The following MSRA variants were observed in gnomAD, a reference collection of about 807,000 sequenced individuals.
The protein encoded by MSRA is methionine sulfoxide reductase A, also known as mitochondrial peptide methionine sulfoxide reductase.
Under a neutral mutation model 31.3 loss-of-function variants are expected in MSRA, and 54 were observed. The ratio of observed to expected loss-of-function variants is 1.73; its 90% confidence interval spans 1.39 to 2.17. The LOEUF (loss-of-function observed/expected upper bound fraction) is 2.17, where lower values mean the gene tolerates loss of function less well. Ranked by LOEUF, MSRA falls within the 30% of genes most tolerant of loss-of-function variation. The pLI, the probability that MSRA is intolerant of heterozygous loss-of-function variation, is 0.00. For synonymous variants in MSRA, 169 were observed against 116.5 expected (o/e 1.45, Z -2.90); for missense variants, 507 against 300.9 (o/e 1.69, Z -5.07).
intron 1 of MSRA, among the ~76,000 whole-genome samples, chr8:10,068,759 C>CT (rs1194085741): frequency 1.3e-5 from 2 of 152,088 alleles, no homozygotes; most frequent in African/African-American, 2.4e-5. Flanking sequence ...GTTAGCTATT[C>CT]TTTTTTTCCC....
chr8:10,225,987 T>G (rs1208142360), intron 2 of MSRA, among the ~76,000 whole-genome samples: 1 of 152,168 alleles, frequency 6.6e-6, no homozygotes, highest in Non-Finnish European at 1.5e-5. Context: ...AAGTGTGAAA[T>G]TCCTCAGATT....
rs547248967 is a variant in MSRA at position 10,129,588 on chromosome 8, G to C, written c.142+74930G>C. ...GGAAGACCAGCTCAGGAGGAGGCCT[G>C]ATTCTCATGCAGGCTTAGAGCACAG... On this transcript the variant is annotated intron_variant, in intron 1 of 5. Coordinates refer to ENST00000317173, the MANE Select transcript of MSRA (RefSeq NM_012331.5). Among the ~76,000 whole-genome samples the C allele has an allele frequency of 9.9e-5, 15 of 152,156 alleles. 1 individual carries two copies. The East Asian group carries it at 2.5e-3, about 26-fold the overall frequency.
At chr8:10,077,394 A>G (rs779068252) in intron 1 of MSRA, among the ~76,000 whole-genome samples, 1 of 151,690 alleles carries the variant, frequency 6.6e-6, no homozygotes, top group African/African-American at 2.4e-5. Flanking sequence ...CTAAAGGGGG[A>G]AGATATGGGA....
At position 10,054,659 on chromosome 8, in the gene MSRA, G is replaced by T. The variant is rs1381201277; in HGVS notation, c.142+1G>T. 11 of 1,547,934 alleles carry T rather than the reference G, an allele frequency of 7.1e-6. No individual in the cohort carries two copies. The highest frequency in any genetic ancestry group is 9.6e-6 in the Non-Finnish European group (11 of 1,147,172). ...CGGAAGGAACAGACCCCTGTAGCGG[G>T]TAAGCACTGGCCACACGGAAGGCGC... On this transcript the variant is annotated splice_donor_variant, in intron 1 of 5. Transcript: ENST00000317173. LOFTEE classifies it high-confidence loss of function.
At chr8:10,142,834 A>G (rs1291070480) in intron 1 of MSRA, among the ~76,000 whole-genome samples, 2 of 152,226 alleles carry the variant, frequency 1.3e-5, no homozygotes, top group African/African-American at 4.8e-5. Context: ...AGATTCACTT[A>G]TTGCCTGGTT....
At chr8:10,257,923 G>A (rs1452798893) in intron 3 of MSRA, among the ~76,000 whole-genome samples, 1 of 152,200 alleles carries the variant, frequency 6.6e-6, no homozygotes, top group Admixed American at 6.5e-5. Flanking sequence ...TTAAGAAGCA[G>A]GAGATGAGTT....
intron 1 of MSRA, among the ~76,000 whole-genome samples, chr8:10,169,406 C>G (rs1358849817): frequency 6.6e-6 from 1 of 152,228 alleles, no homozygotes; most frequent in Admixed American, 6.5e-5. Context: ...GTTACTGCCA[C>G]TTTCATTTAT....
intron 1 of MSRA, among the ~76,000 whole-genome samples, chr8:10,089,844 C>G (rs998418462): frequency 6.6e-6 from 1 of 152,194 alleles, no homozygotes; most frequent in African/African-American, 2.4e-5. Context: ...CCTTTAGAAA[C>G]AGTCCCGTTT....
At position 10,232,584 on chromosome 8, in the gene MSRA, T is replaced by G. The variant is rs145901845; in HGVS notation, c.212-12520T>G. On this transcript the variant is annotated intron_variant, in intron 2 of 5. Transcript: ENST00000317173. Reference sequence around the variant, plus strand: ...AGATCTTTACCAGTCAGGTCAAAATTTGCAGTGTCAATGTGTTTGGAAAAG... The same window carrying G: ...AGATCTTTACCAGTCAGGTCAAAATGTGCAGTGTCAATGTGTTTGGAAAAG... 1.6e-4 allele frequency among the ~76,000 whole-genome samples: 24 copies of G among 152,316 alleles called. No homozygotes were observed. The East Asian group carries it at 4.4e-3, about 28-fold the overall frequency.
chr8:10,286,502 T>G (rs1799945959), intron 3 of MSRA, among the ~76,000 whole-genome samples: 1 of 152,264 alleles, frequency 6.6e-6, no homozygotes, highest in Non-Finnish European at 1.5e-5. Flanking sequence ...CCCAGCCATG[T>G]GGAACTGTAA....
chr8:10,237,012 A>G (rs1389837393), intron 2 of MSRA, among the ~76,000 whole-genome samples: 1 of 152,230 alleles, frequency 6.6e-6, no homozygotes, highest in Non-Finnish European at 1.5e-5. Context: ...TCTAGCTGAT[A>G]GTACAAACAC....
intron 4 of MSRA, among the ~76,000 whole-genome samples, chr8:10,307,503 T>C (rs1281016658): frequency 5.3e-5 from 8 of 152,288 alleles, no homozygotes; most frequent in South Asian, 4.2e-4. Context: ...GTGATAACAA[T>C]TGGGCTTTTA....
At chr8:10,235,437 G>A (rs766057180) in intron 2 of MSRA, among the ~76,000 whole-genome samples, 9 of 151,966 alleles carry the variant, frequency 5.9e-5, no homozygotes, top group Non-Finnish European at 1.2e-4. Flanking sequence ...TATTAGAAAA[G>A]AACACTTGAA....
intron 3 of MSRA, among the ~76,000 whole-genome samples, chr8:10,293,751 C>T (rs1251357606): frequency 6.6e-6 from 1 of 152,152 alleles, no homozygotes; most frequent in African/African-American, 2.4e-5. Flanking sequence ...CCCTCCCTTT[C>T]CTTCCCCTTC....
At chr8:10,351,669 C>G (rs1468637869) in intron 5 of MSRA, among the ~76,000 whole-genome samples, 1 of 152,232 alleles carries the variant, frequency 6.6e-6, no homozygotes, top group African/African-American at 2.4e-5. Context: ...ACTACTTCCT[C>G]ATTTAGACAG....
At chr8:10,200,653 A>G (rs544937630) in intron 1 of MSRA, among the ~76,000 whole-genome samples, 1 of 152,224 alleles carries the variant, frequency 6.6e-6, no homozygotes, top group Admixed American at 6.5e-5. Flanking sequence ...CTCACCCAGC[A>G]CCATGTTTGT....
chr8:10,147,250 G>A (rs2129034299), intron 1 of MSRA, among the ~76,000 whole-genome samples: 1 of 152,218 alleles, frequency 6.6e-6, no homozygotes, highest in African/African-American at 2.4e-5. Context: ...TGCATGTGTT[G>A]GATTCAAGGA....
At chr8:10,227,865 A>C (rs1046392320) in intron 2 of MSRA, among the ~76,000 whole-genome samples, 6 of 152,368 alleles carry the variant, frequency 3.9e-5, no homozygotes, top group African/African-American at 1.4e-4. Flanking sequence ...AGTAGGGATA[A>C]GGAAGGTGTC....
chr8:10,307,240 T>A (rs1182405532), intron 4 of MSRA, among the ~76,000 whole-genome samples: 1 of 151,786 alleles, frequency 6.6e-6, no homozygotes, highest in Non-Finnish European at 1.5e-5. Context: ...ACAATTGGCT[T>A]ACTGCAACTT....
Sources: allele counts gnomAD v4.1 joint callset (sites outside exome capture counted in the v4.1 genomes callset), GRCh38; gene constraint gnomAD v4.1.1; transcripts MANE v1.5; gene names NCBI Gene and HGNC (gene_info 2026-07-23, HGNC 2026-07-21).